Variants in CELF1 observed in about 807,000 individuals in gnomAD.
CELF1 encodes the protein CUGBP Elav-like family member 1.
A neutral mutation model predicts 61.8 loss-of-function variants in CELF1; 10 were observed. The ratio of observed to expected loss-of-function variants is 0.16; its 90% confidence interval spans 0.10 to 0.27. The LOEUF (loss-of-function observed/expected upper bound fraction) is 0.27, where lower values mean the gene tolerates loss of function less well. Among genes scored for constraint, CELF1 ranks in the 10% least tolerant of loss-of-function variants. The pLI is 1.00. For missense variants in CELF1, 380 were observed against 639.1 expected (o/e 0.59, Z 4.37); for synonymous variants, 236 against 225.1 (o/e 1.05, Z -0.43).
At position 47,482,827 on chromosome 11, in the gene CELF1, A is replaced by G; in HGVS notation, c.636T>C (p.Phe212=). ...GTTCTTTGTCCTTCTGTGTATCAGC[A>G]AATTTTACCACCATGGGTGATGAGC... The part of the protein sequence containing the change: ...EGCSSPMVVK[F]ADTQKDKEQK... Residue 212 remains phenylalanine, a synonymous_variant, in exon 9 of 15, where the codon TTT becomes TTC. Coordinates refer to ENST00000687097, the MANE Select transcript of CELF1 (RefSeq NM_001376376.1). 4 of 1,614,154 alleles carry G rather than the reference A, an allele frequency of 2.5e-6. No individual in the cohort carries two copies. The highest frequency in any genetic ancestry group is 3.4e-6 in the Non-Finnish European group (4 of 1,180,004).
intron 1 of CELF1, among the ~76,000 whole-genome samples, chr11:47,541,697 AGAAAGAAAGAAAGAAAGAAAG>A (rs2096782127): frequency 1.6e-5 from 1 of 62,564 alleles, no homozygotes; most frequent in Non-Finnish European, 3.1e-5. Context: ...AAAGAAAGAA[AGAAAGAAAGAAAGAAAGAAAG>A]AAAGAAAGAA....
chr11:47,515,519 G>T (rs2095504983), intron 1 of CELF1, among the ~76,000 whole-genome samples: 1 of 152,126 alleles, frequency 6.6e-6, no homozygotes, highest in African/African-American at 2.4e-5. Context: ...ACTGCATTTT[G>T]ATTTCAGCCC....
At chr11:47,473,006 T>A in intron 14 of CELF1, 82 bp downstream of exon 14, 1 of 1,487,132 alleles carries the variant, frequency 6.7e-7, no homozygotes, top group Non-Finnish European at 9.1e-7. Context: ...AAACTCATAT[T>A]CAGATCTTTC....
intron 1 of CELF1, among the ~76,000 whole-genome samples, chr11:47,539,607 C>T (rs2096723623): frequency 6.6e-6 from 1 of 152,214 alleles, no homozygotes; most frequent in Admixed American, 6.5e-5. Context: ...TTTACAAGTG[C>T]TGTGCAGAGC....
rs188242807 is a variant in CELF1 at position 47,487,312 on chromosome 11, C to T, written c.260-71G>A. On this transcript the variant is annotated intron_variant, in intron 4 of 14. Coordinates refer to ENST00000687097, the MANE Select transcript of CELF1 (RefSeq NM_001376376.1). ...AATTCCTAGAGCAATCCTTCCTCCA[C>T]TGACAGATCAGATCTTAAAAGAGGG... 3.5e-4 allele frequency: 401 copies of T among 1,157,298 alleles called. 2 individuals are homozygous for T. The African/African-American group carries it at 5.5e-3, about 16-fold the overall frequency. The allele number at this position is 1,157,298 out of a possible 1,614,324, so 71.7% of individuals were successfully genotyped here. A position where few individuals can be genotyped will look rare whatever the true frequency, so the allele number is the denominator to read the frequency against.
rs561900704 is a variant in CELF1, at chr11:47,489,935, GTT to G, written c.72-913_72-912del. ...GTTTCCACTCAGAACATACCATCTT[GTT>G]TTTTTTTTTTTTTTTTTTGAGACGG... On this transcript the variant is annotated intron_variant, in intron 3 of 14. Coordinates refer to ENST00000687097, the MANE Select transcript of CELF1 (RefSeq NM_001376376.1). Among the ~76,000 whole-genome samples the G allele has an allele frequency of 2.3e-3, 111 of 48,230 alleles. 4 individuals are homozygous for G. Among genetic ancestry groups the G allele is most frequent in the African/African-American group, 5.7e-3 (73 of 12,856 alleles). The allele number at this position is 48,230 out of a possible 152,430, so 31.6% of individuals were successfully genotyped here.
intron 1 of CELF1, among the ~76,000 whole-genome samples, chr11:47,548,671 G>A (rs1483119272): frequency 6.6e-6 from 1 of 151,932 alleles, no homozygotes; most frequent in Non-Finnish European, 1.5e-5. Context: ...TTCGAGACCA[G>A]CCTGGCCAAC....
In CELF1 at chr11:47,468,930, G is replaced by C. The variant is rs2077108856; in HGVS notation, c.*3300C>G. 3.3e-5 allele frequency: 5 copies of C among 152,298 alleles called. No homozygotes were observed. The highest frequency in any genetic ancestry group is 3.3e-4 in the Admixed American group (5 of 15,278). 9.4% of individuals were successfully genotyped at this position (152,298 alleles called of 1,614,324 possible). On this transcript the variant is annotated 3_prime_UTR_variant, in exon 15 of 15. Coordinates refer to ENST00000687097, the MANE Select transcript of CELF1 (RefSeq NM_001376376.1). ...CAAACCAGAAAGAGGGAGACCCACT[G>C]AGTTACACAGAGCAATACATCCAAA... is the stretch of plus-strand genomic sequence containing the variant.
chr11:47,551,696 A>C (rs1310296172), intron 1 of CELF1, among the ~76,000 whole-genome samples: 2 of 152,178 alleles, frequency 1.3e-5, no homozygotes, highest in African/African-American at 4.8e-5. Context: ...TGGGTAATCA[A>C]AGACAGTGAA....
At chr11:47,525,310 AT>A (rs2096180268) in intron 1 of CELF1, among the ~76,000 whole-genome samples, 1 of 152,224 alleles carries the variant, frequency 6.6e-6, no homozygotes, top group African/African-American at 2.4e-5. Flanking sequence ...TCCAAAAATT[AT>A]TTTACTTAGA....
intron 1 of CELF1, among the ~76,000 whole-genome samples, chr11:47,502,831 C>CA (rs200370364): frequency 1.8e-3 from 275 of 150,306 alleles, no homozygotes; most frequent in South Asian, 4.0e-3. Flanking sequence ...GACTCTGTCT[C>CA]AAAAAAAAAT....
rs1389732469 is a variant in CELF1, at chr11:47,468,239, T to C, written c.*3991A>G. ...AAAGAAAAAGAAAAAGAAAAAGGGC[T>C]GGCTGGGGCCCAAAGTGCAGCCTGC... On this transcript the variant is annotated 3_prime_UTR_variant, in exon 15 of 15. Coordinates refer to ENST00000687097, the MANE Select transcript of CELF1 (RefSeq NM_001376376.1). 4 of 152,188 alleles carry C rather than the reference T, an allele frequency of 2.6e-5. No individual in the cohort carries two copies. The highest frequency in any genetic ancestry group is 5.9e-5 in the Non-Finnish European group (4 of 68,112). 9.4% of individuals were successfully genotyped at this position (152,188 alleles called of 1,614,324 possible).
chr11:47,477,093 G>A (rs1398035987), intron 11 of CELF1, 134 bp from the exon 12 acceptor site: 5 of 894,972 alleles, frequency 5.6e-6, no homozygotes, highest in Non-Finnish European at 8.8e-6. Flanking sequence ...GTCCTTGCAG[G>A]ACAGAGACAA....
At chr11:47,521,232 A>G (rs1231825161) in intron 1 of CELF1, among the ~76,000 whole-genome samples, 3 of 152,250 alleles carry the variant, frequency 2.0e-5, no homozygotes, top group Non-Finnish European at 2.9e-5. Context: ...AGCCTGGGCG[A>G]CTGAGAGAGA....
At chr11:47,552,480 C>G (rs1478539046) in intron 1 of CELF1, among the ~76,000 whole-genome samples, 1 of 152,202 alleles carries the variant, frequency 6.6e-6, no homozygotes, top group East Asian at 1.9e-4. Flanking sequence ...CGTAGCGGAT[C>G]TGGGGCGAGG....
intron 8 of CELF1, among the ~76,000 whole-genome samples, 157 bp downstream of exon 8, chr11:47,483,296 C>T (rs182780898): frequency 1.2e-4 from 19 of 152,154 alleles, no homozygotes; most frequent in Admixed American, 4.6e-4. Context: ...ATTTCCAATA[C>T]GTTAATTTTA....
chr11:47,488,396 C>T (rs2089041628), intron 4 of CELF1, among the ~76,000 whole-genome samples: 2 of 152,170 alleles, frequency 1.3e-5, no homozygotes, highest in African/African-American at 4.8e-5. Flanking sequence ...AACAAGAAAC[C>T]AATGGGTATG....
At chr11:47,558,439 T>TTATA (rs564492811) in intron 2 of CELF1, among the ~76,000 whole-genome samples, 1 of 131,048 alleles carries the variant, frequency 7.6e-6, no homozygotes, top group Admixed American at 8.9e-5. Context: ...CATATATATA[T>TTATA]TATATATATA....
At chr11:47,534,000 T>C (rs1005154230) in intron 1 of CELF1, among the ~76,000 whole-genome samples, 1 of 150,454 alleles carries the variant, frequency 6.6e-6, no homozygotes, top group Non-Finnish European at 1.5e-5. Context: ...CAACATAAGT[T>C]ATATTTAGCA....
Sources: allele counts gnomAD v4.1 joint callset (sites outside exome capture counted in the v4.1 genomes callset), GRCh38; gene constraint gnomAD v4.1.1; transcripts MANE v1.5; gene names NCBI Gene and HGNC (gene_info 2026-07-23, HGNC 2026-07-21).